Variants in NCKAP1 observed in about 807,000 individuals in gnomAD.
NCKAP1 encodes nck-associated protein 1.
Under a neutral mutation model 151.2 loss-of-function variants are expected in NCKAP1, and 21 were observed. That is an observed-to-expected ratio of 0.14 (90% confidence interval 0.10 to 0.20). The LOEUF (loss-of-function observed/expected upper bound fraction) is 0.20, where lower values mean the gene tolerates loss of function less well. Ranked by LOEUF, NCKAP1 falls within the 10% of genes least tolerant of loss-of-function variation. The pLI is 1.00. For missense variants in NCKAP1, 933 were observed against 1,352.1 expected, an observed-to-expected ratio of 0.69 and a Z score of 4.86; for synonymous variants, 484 against 451.8, an observed-to-expected ratio of 1.07 and a Z score of -0.90.
chr2:182,990,538 T>A (rs1259802151), intron 8 of NCKAP1, among the ~76,000 whole-genome samples: 1 of 152,200 alleles, frequency 6.6e-6, no homozygotes, highest in Non-Finnish European at 1.5e-5. Context: ...TATAAATGTA[T>A]AATTTTATAC....
intron 8 of NCKAP1, among the ~76,000 whole-genome samples, 159 bp from the exon 9 acceptor site, chr2:182,989,345 G>A (rs566012797): frequency 6.6e-5 from 10 of 152,200 alleles, no homozygotes; most frequent in Admixed American, 2.6e-4. Context: ...ATGGTAATAC[G>A]TTTCTTTTCC....
chr2:182,969,857 T>C (rs1352285399), intron 15 of NCKAP1, among the ~76,000 whole-genome samples: 1 of 151,958 alleles, frequency 6.6e-6, no homozygotes, highest in African/African-American at 2.4e-5. Flanking sequence ...AAAAAGTTAG[T>C]TCTTTGGAAA....
At chr2:182,994,674 A>G (rs1698233182) in intron 8 of NCKAP1, among the ~76,000 whole-genome samples, 165 bp downstream of exon 8, 1 of 151,988 alleles carries the variant, frequency 6.6e-6, no homozygotes, top group South Asian at 2.1e-4. Context: ...AAACCCACAA[A>G]CAGGCTATCT....
intron 26 of NCKAP1, among the ~76,000 whole-genome samples, chr2:182,931,680 T>G (rs12612383): frequency 0.1 from 15,597 of 152,052 alleles, 1,128 homozygotes; most frequent in African/African-American, 0.2. Context: ...ATGGACTTCA[T>G]TGAAACTAAA....
intron 2 of NCKAP1, among the ~76,000 whole-genome samples, chr2:183,010,006 A>G (rs1698562185): frequency 6.6e-6 from 1 of 152,240 alleles, no homozygotes; most frequent in Non-Finnish European, 1.5e-5. Flanking sequence ...CTTTATAATT[A>G]AGGTTATGTT....
chr2:182,986,356 G>C (rs1698056701), intron 9 of NCKAP1, 129 bp from the exon 10 acceptor site: 1 of 716,280 alleles, frequency 1.4e-6, no homozygotes, highest in African/African-American at 1.8e-5. Context: ...AACTGGAAGT[G>C]CATGGAAGAA....
intron 15 of NCKAP1, among the ~76,000 whole-genome samples, chr2:182,974,998 A>T (rs183064049): frequency 6.6e-6 from 1 of 152,342 alleles, no homozygotes; most frequent in African/African-American, 2.4e-5. Context: ...GTAAGGGTGC[A>T]TCTGAAATGC....
At chr2:182,933,389 A>ATT (rs35213776) in intron 26 of NCKAP1, among the ~76,000 whole-genome samples, 11,930 of 123,824 alleles carry the variant, frequency 0.096, 1,294 homozygotes, top group African/African-American at 0.26. Context: ...GTGGCACCAC[A>ATT]TTTTTTTTTT....
At chr2:182,962,307 C>A (rs1039547630) in intron 17 of NCKAP1, 29 bp from the exon 18 acceptor site, 1 of 1,554,956 alleles carries the variant, frequency 6.4e-7, no homozygotes, top group Non-Finnish European at 8.8e-7. Context: ...AATAATAATA[C>A]AAGTTATAAA....
At chr2:182,979,670 A>G (rs941946687) in intron 13 of NCKAP1, among the ~76,000 whole-genome samples, 14 of 152,228 alleles carry the variant, frequency 9.2e-5, no homozygotes, top group African/African-American at 3.4e-4. Flanking sequence ...ACAGGTTTAC[A>G]ACCTTAGTTC....
intron 15 of NCKAP1, among the ~76,000 whole-genome samples, chr2:182,967,566 T>C (rs1200776958): frequency 1.3e-5 from 2 of 152,132 alleles, no homozygotes; most frequent in Non-Finnish European, 2.9e-5. Context: ...AATACTAATG[T>C]CCATAAAACA....
intron 23 of NCKAP1, among the ~76,000 whole-genome samples, chr2:182,943,747 T>C (rs1175670051): frequency 6.6e-6 from 1 of 152,208 alleles, no homozygotes; most frequent in Non-Finnish European, 1.5e-5. Context: ...TAAGCTCTTA[T>C]ACAAGGTAAC....
At chr2:183,001,055 T>A (rs1329393889) in intron 6 of NCKAP1, among the ~76,000 whole-genome samples, 1 of 152,200 alleles carries the variant, frequency 6.6e-6, no homozygotes, top group Non-Finnish European at 1.5e-5. Flanking sequence ...ATTGCACCAC[T>A]GCATTCCGGC....
At position 182,919,271 on chromosome 2, in the gene NCKAP1, T is replaced by G. The variant is rs1476366222; in HGVS notation, c.*6431A>C. ...GCCTTGCTTCAGACTGCAAAGACCC[T>G]TGTACCTTTTGGCTGAAGGTAAGAA... On this transcript the variant is annotated 3_prime_UTR_variant, in exon 31 of 31. Transcript: ENST00000361354. 6.6e-6 allele frequency: 1 copy of G among 152,226 alleles called. No individual in the cohort carries two copies. The highest frequency in any genetic ancestry group is 1.5e-5 in the Non-Finnish European group (1 of 68,034). 9.4% of individuals were successfully genotyped at this position (152,226 alleles called of 1,614,324 possible). A position where few individuals can be genotyped will look rare whatever the true frequency, so the allele number is the denominator to read the frequency against.
chr2:183,005,234 T>G (rs1186192514), intron 2 of NCKAP1, among the ~76,000 whole-genome samples: 1 of 152,184 alleles, frequency 6.6e-6, no homozygotes, highest in Non-Finnish European at 1.5e-5. Flanking sequence ...ATATGAAGGG[T>G]ATAATTTGGT....
chr2:183,002,321 AAC>A (rs780548204), intron 4 of NCKAP1, 52 bp from the exon 5 acceptor site: 50 of 1,244,020 alleles, frequency 4.0e-5, no homozygotes, highest in Non-Finnish European at 5.0e-5. Flanking sequence ...TAAAATTTTA[AAC>A]ACACACAAAA....
intron 9 of NCKAP1, among the ~76,000 whole-genome samples, chr2:182,986,962 C>G (rs1289540510): frequency 6.6e-6 from 1 of 152,126 alleles, no homozygotes; most frequent in Non-Finnish European, 1.5e-5. Flanking sequence ...TACACTATGG[C>G]CAGGTACGGT....
chr2:182,983,499 C>A, intron 10 of NCKAP1, 117 bp from the exon 11 acceptor site: 1 of 631,664 alleles, frequency 1.6e-6, no homozygotes. Context: ...AGCCAAAGTT[C>A]CTATAAAAAT....
chr2:182,935,225 C>T, intron 25 of NCKAP1, 68 bp downstream of exon 25: 1 of 1,136,220 alleles, frequency 8.8e-7, no homozygotes, highest in Non-Finnish European at 1.3e-6. Context: ...TGAAACTTAA[C>T]TTTAAATTTC....
Sources: gnomAD v4.1 joint callset for allele counts (sites outside exome capture counted in the v4.1 genomes callset) on GRCh38, gnomAD v4.1.1 for gene constraint, MANE v1.5 for transcripts, NCBI Gene and HGNC (gene_info 2026-07-23, HGNC 2026-07-21) for gene names.